The following PREPL variants were observed in gnomAD, a reference collection of about 807,000 sequenced individuals.
PREPL encodes prolyl endopeptidase like, also known as prolyl endopeptidase-like.
Under a neutral mutation model 70.6 loss-of-function variants are expected in PREPL, and 77 were observed. The observed-to-expected ratio is 1.09, with a 90% confidence interval of 0.91 to 1.32. The LOEUF (loss-of-function observed/expected upper bound fraction) is 1.32. Among genes scored for constraint, PREPL ranks in the 40% most tolerant of loss-of-function variants. The pLI is 0.00. For synonymous variants in PREPL, 315 were observed against 264.8 expected (o/e 1.19, Z -1.84); for missense variants, 1,002 against 778.2 (o/e 1.29, Z -3.42).
intron 1 of PREPL, among the ~76,000 whole-genome samples, chr2:44,349,219 C>G (rs574168284): frequency 1.3e-5 from 2 of 152,138 alleles, no homozygotes; most frequent in Non-Finnish European, 1.5e-5. Context: ...AGAAAGACAC[C>G]GGACAGCCCT....
intron 7 of PREPL, among the ~76,000 whole-genome samples, 162 bp downstream of exon 7, chr2:44,338,189 T>C (rs1253061577): frequency 1.3e-5 from 2 of 152,238 alleles, no homozygotes; most frequent in African/African-American, 4.8e-5. Flanking sequence ...AATTCTAAGA[T>C]AACCCTCCTA....
intron 7 of PREPL, among the ~76,000 whole-genome samples, chr2:44,337,397 G>GCA (rs1451943104): frequency 6.6e-6 from 1 of 152,102 alleles, no homozygotes; most frequent in East Asian, 1.9e-4. Context: ...GTTTAATCTT[G>GCA]TGATTAACTA....
chr2:44,319,318 G>A lies in PREPL; in HGVS notation c.*2038C>T, dbSNP rs1465331788. 6.6e-6 allele frequency: 1 copy of A among 152,454 alleles called. No homozygotes were observed. The highest frequency in any genetic ancestry group is 1.5e-5 in the Non-Finnish European group (1 of 68,028). 9.4% of individuals were successfully genotyped at this position (152,454 alleles called of 1,614,324 possible). A position where few individuals can be genotyped will look rare whatever the true frequency, so the allele number is the denominator to read the frequency against. The stretch of plus-strand genomic sequence containing the variant: ...CTTATGAAGAATAATTTGGCATTAT[G>A]TATCAAGTGCCCATACTCTTTGACA... On this transcript the variant is annotated 3_prime_UTR_variant, in exon 14 of 14. Coordinates refer to ENST00000409411, the MANE Select transcript of PREPL (RefSeq NM_001171613.2).
intron 7 of PREPL, among the ~76,000 whole-genome samples, chr2:44,334,627 C>A (rs1480373525): frequency 1.3e-5 from 2 of 152,204 alleles, no homozygotes; most frequent in Non-Finnish European, 2.9e-5. Flanking sequence ...CTCACTGCAG[C>A]CTCCAGCTCT....
intron 1 of PREPL, among the ~76,000 whole-genome samples, chr2:44,355,129 C>G (rs1345321955): frequency 6.6e-6 from 1 of 152,180 alleles, no homozygotes; most frequent in Non-Finnish European, 1.5e-5. Context: ...TTTGCCCATT[C>G]TCAACAGCCT....
chr2:44,322,835 A>G lies in PREPL; in HGVS notation c.1649T>C (p.Ile550Thr). ...CCGTTCATCGTTTTCATATGCCGTT[A>G]TGTGAATTGAAGGATAATGCTGAAA... is the stretch of plus-strand genomic sequence containing the variant. ...IKPQHYPSIH[I>T]TAYENDERVP... Residue 550 changes from isoleucine (I) to threonine (T), a missense_variant, in exon 12 of 14, where the codon ATA becomes ACA. Transcript: ENST00000409411. 2 of 1,613,726 alleles carry G rather than the reference A, an allele frequency of 1.2e-6. No individual in the cohort carries two copies. The highest frequency in any genetic ancestry group is 1.7e-6 in the Non-Finnish European group (2 of 1,179,770).
chr2:44,359,357 A>G (rs1677409671), intron 1 of PREPL: 1 of 709,504 alleles, frequency 1.4e-6, no homozygotes, highest in Non-Finnish European at 2.3e-6. Context: ...TTGACTAGAG[A>G]CAATTGAGAC....
chr2:44,321,666 C>A (rs1393132571), intron 13 of PREPL, 161 bp downstream of exon 13: 2 of 1,530,204 alleles, frequency 1.3e-6, no homozygotes, highest in South Asian at 1.3e-5. Flanking sequence ...AGACATTTCT[C>A]TTGATTGACA....
chr2:44,343,989 G>A (rs1675505700), intron 3 of PREPL, 38 bp from the exon 4 acceptor site: 1 of 1,582,370 alleles, frequency 6.3e-7, no homozygotes, highest in African/African-American at 1.4e-5. Flanking sequence ...AACTTCAAAG[G>A]ATGTACTTTA....
In PREPL at chr2:44,320,989, CCA is replaced by C. The variant is rs1027451468; in HGVS notation, c.*365_*366del. 7 of 395,926 alleles carry C rather than the reference CCA, an allele frequency of 1.8e-5. No individual in the cohort carries two copies. The highest frequency in any genetic ancestry group is 6.1e-5 in the African/African-American group (3 of 49,018). 24.5% of individuals were successfully genotyped at this position (395,926 alleles called of 1,614,324 possible). ...ATAGAAATTAGAGGATGACTCACTGCCACAGTGTCTAAAAGCATTTGCTAGCA... is the reference window on the plus strand; with the variant it reads ...ATAGAAATTAGAGGATGACTCACTGCCAGTGTCTAAAAGCATTTGCTAGCA... On this transcript the variant is annotated 3_prime_UTR_variant, in exon 14 of 14. Coordinates refer to ENST00000409411, the MANE Select transcript of PREPL (RefSeq NM_001171613.2).
At position 44,332,605 on chromosome 2, in the gene PREPL, T is replaced by A. The variant is rs140990611; in HGVS notation, c.940A>T (p.Asn314Tyr). ...FIMDTNSDPK[N>Y]CPFQLCSPIR... The stretch of plus-strand genomic sequence containing the variant: ...GGAGAGCAAAGTTGAAAGGGGCAGT[T>A]CTTTGGGTCAGAATTTGTATCCATT... The change falls in exon 8 of 14, where the codon AAC becomes TAC. Residue 314 changes from asparagine to tyrosine, a missense_variant. Transcript: ENST00000409411. The A allele has an allele frequency of 3.3e-4, 534 of 1,613,976 alleles. 2 individuals are homozygous for A. The African/African-American group carries it at 5.8e-3, about 18-fold the overall frequency.
chr2:44,344,986 G>C (rs1675634393), intron 2 of PREPL, among the ~76,000 whole-genome samples: 1 of 152,186 alleles, frequency 6.6e-6, no homozygotes, highest in African/African-American at 2.4e-5. Flanking sequence ...CTGTGGCTCA[G>C]ACTAGCCTGA....
chr2:44,349,253 A>T (rs1048108221), intron 1 of PREPL, among the ~76,000 whole-genome samples: 1 of 152,208 alleles, frequency 6.6e-6, no homozygotes, highest in African/African-American at 2.4e-5. Context: ...ATTAGCCATT[A>T]GTAAATGGCT....
At chr2:44,353,105 G>A (rs76814941) in intron 1 of PREPL, among the ~76,000 whole-genome samples, 3,752 of 152,022 alleles carry the variant, frequency 0.025, 169 homozygotes, top group African/African-American at 0.086. Context: ...TTGGATTTTG[G>A]AGCATTTCAG....
At chr2:44,322,349 T>G (rs754004247) in intron 12 of PREPL, among the ~76,000 whole-genome samples, 1 of 152,156 alleles carries the variant, frequency 6.6e-6, no homozygotes, top group Non-Finnish European at 1.5e-5. Flanking sequence ...GCTAAACAGT[T>G]TGGGCACTGA....
At chr2:44,331,946 C>CTT (rs35003986) in intron 8 of PREPL, among the ~76,000 whole-genome samples, 6 of 121,684 alleles carry the variant, frequency 4.9e-5, no homozygotes, top group South Asian at 2.6e-4. Flanking sequence ...TATAAATTTT[C>CTT]TTTTTTTTTT....
In PREPL at chr2:44,332,567, T is replaced by C; in HGVS notation, c.978A>G (p.Pro326=). The C allele has an allele frequency of 6.2e-7, 1 of 1,613,892 alleles. No homozygotes were observed. The highest frequency in any genetic ancestry group is 8.5e-7 in the Non-Finnish European group (1 of 1,179,748). ...CTGCAAACTTGTATGTGTAATATTTTGGGGGACGTATTGGAGAGCAAAGTT... is the reference window on the plus strand; with the variant it reads ...CTGCAAACTTGTATGTGTAATATTTCGGGGGACGTATTGGAGAGCAAAGTT... ...PFQLCSPIRP[P]KYYTYKFAEG... Residue 326 remains proline (P), a synonymous_variant, in exon 8 of 14, where the codon CCA becomes CCG. Transcript: ENST00000409411.
At chr2:44,349,709 A>G (rs11892069) in intron 1 of PREPL, among the ~76,000 whole-genome samples, 6,071 of 152,278 alleles carry the variant, frequency 0.04, 411 homozygotes, top group African/African-American at 0.14. Flanking sequence ...TCACGCCTGT[A>G]ATCTCGGCAC....
chr2:44,352,723 G>A (rs1461384412), intron 1 of PREPL, among the ~76,000 whole-genome samples: 3 of 151,770 alleles, frequency 2.0e-5, no homozygotes, highest in Admixed American at 6.6e-5. Context: ...ATAAAATTCA[G>A]ACAGCATAAA....
Sources: gnomAD v4.1 joint callset for allele counts (sites outside exome capture counted in the v4.1 genomes callset) on GRCh38, gnomAD v4.1.1 for gene constraint, MANE v1.5 for transcripts, NCBI Gene and HGNC (gene_info 2026-07-23, HGNC 2026-07-21) for gene names.